Variants in MARVELD2 observed in about 807,000 individuals in gnomAD.
MARVELD2 encodes MARVEL domain-containing protein 2.
In MARVELD2, 49 loss-of-function variants were observed where a neutral mutation model predicts 57.6. That is an observed-to-expected ratio of 0.85 (90% CI 0.68 to 1.08). MARVELD2 has a LOEUF of 1.08. Ranked by LOEUF, MARVELD2 falls within the 50% of genes least tolerant of loss-of-function variation. MARVELD2 has a pLI of 0.00. For synonymous variants in MARVELD2, 238 were observed against 258.8 expected (o/e 0.92, Z 0.77); for missense variants, 606 against 701.1 (o/e 0.86, Z 1.53).
intron 1 of MARVELD2, among the ~76,000 whole-genome samples, chr5:69,418,696 C>G (rs371868779): frequency 3.9e-5 from 6 of 152,158 alleles, no homozygotes; most frequent in African/African-American, 1.4e-4. Context: ...TGTGTTTTAA[C>G]AGACTGCCTC....
rs1767391737 is a variant in MARVELD2 at position 69,443,822 on chromosome 5, G to C, written c.*2168G>C. 1.3e-5 allele frequency: 2 copies of C among 151,976 alleles called. No individual in the cohort carries two copies. The highest frequency in any genetic ancestry group is 4.8e-5 in the African/African-American group (2 of 41,394). 9.4% of individuals were successfully genotyped at this position (151,976 alleles called of 1,614,324 possible). On this transcript the variant is annotated 3_prime_UTR_variant, in exon 7 of 7. Transcript: ENST00000325631. ...CACTCCCTGGTTTTTATTTGTCAGT[G>C]AAATCTTTATGCATTCATTGTTAAT...
intron 5 of MARVELD2, among the ~76,000 whole-genome samples, chr5:69,440,058 G>T (rs1168212616): frequency 6.6e-6 from 1 of 152,110 alleles, no homozygotes; most frequent in East Asian, 1.9e-4. Context: ...TAGCTAATGT[G>T]GTTATTATGT....
chr5:69,437,795 T>G (rs1767202964), intron 5 of MARVELD2, among the ~76,000 whole-genome samples: 1 of 152,080 alleles, frequency 6.6e-6, no homozygotes, highest in Non-Finnish European at 1.5e-5. Flanking sequence ...CAGCACATGG[T>G]CTGCAGTTGG....
At chr5:69,440,017 A>G (rs1454075707) in intron 5 of MARVELD2, among the ~76,000 whole-genome samples, 1 of 152,226 alleles carries the variant, frequency 6.6e-6, no homozygotes, top group African/African-American at 2.4e-5. Context: ...TAACTCAAAA[A>G]AGAACTTTCC....
intron 3 of MARVELD2, among the ~76,000 whole-genome samples, chr5:69,426,011 G>T (rs1766780968): frequency 6.6e-6 from 1 of 151,564 alleles, no homozygotes; most frequent in Non-Finnish European, 1.5e-5. Flanking sequence ...CAAAGTGCTG[G>T]GATTATGGGT....
intron 5 of MARVELD2, among the ~76,000 whole-genome samples, chr5:69,439,130 G>A (rs1222625341): frequency 6.7e-6 from 1 of 150,152 alleles, no homozygotes; most frequent in Non-Finnish European, 1.5e-5. Flanking sequence ...GATAGAAAAA[G>A]TTCTCAGGCC....
chr5:69,420,315 C>G lies in MARVELD2; in HGVS notation c.930C>G (p.Val310=). The change falls in exon 2 of 7, where the codon GTC becomes GTG. Residue 310 remains valine (V), a synonymous_variant. Coordinates refer to ENST00000325631, the MANE Select transcript of MARVELD2 (RefSeq NM_001038603.3). ...TTTTGTATATGGCCGCAGCCATAGT[C>G]TATGTGAATGATACCAACCGAGGTG... ...LFILYMAAAI[V]YVNDTNRGGL... 1 of 1,614,174 alleles carries G rather than the reference C, an allele frequency of 6.2e-7. No homozygotes were observed. Among genetic ancestry groups the G allele is most frequent in the South Asian group, 1.1e-5 (1 of 91,076 alleles).
chr5:69,419,341 C>A, intron 1 of MARVELD2, 30 bp from the exon 2 acceptor site: 1 of 1,608,548 alleles, frequency 6.2e-7, no homozygotes, highest in Non-Finnish European at 8.5e-7. Context: ...AGTAACTAAT[C>A]ATAAGTGATA....
intron 3 of MARVELD2, among the ~76,000 whole-genome samples, chr5:69,424,856 C>G (rs1435064339): frequency 6.6e-6 from 1 of 151,984 alleles, no homozygotes; most frequent in Non-Finnish European, 1.5e-5. Flanking sequence ...GAAACCCTGT[C>G]TCTACCAAAA....
chr5:69,419,815 T>G lies in MARVELD2; in HGVS notation c.430T>G (p.Phe144Val), dbSNP rs370885460. Residue 144 changes from phenylalanine to valine, a missense_variant, in exon 2 of 7, where the codon TTT becomes GTT. Phe to Val is a conservative substitution (Grantham distance 50, BLOSUM62 -1). Coordinates refer to ENST00000325631, the MANE Select transcript of MARVELD2 (RefSeq NM_001038603.3). ...TCCCTACGGAGGGTCAGAAGGAACC[T>G]TTAGTTCCCGGAAAGAGGCTGACGC... ...KDPYGGSEGT[F>V]SSRKEADAVF... is the part of the protein sequence containing the mutation. 45 of 1,614,066 alleles carry G rather than the reference T, an allele frequency of 2.8e-5. No individual in the cohort carries two copies. The highest frequency in any genetic ancestry group is 3.5e-5 in the Non-Finnish European group (41 of 1,180,046).
chr5:69,443,519 G>T lies in MARVELD2; in HGVS notation c.*1865G>T, dbSNP rs561312366. On this transcript the variant is annotated 3_prime_UTR_variant, in exon 7 of 7. Transcript: ENST00000325631. The stretch of plus-strand genomic sequence containing the variant: ...CAGCAGGGATGCTTCATCTTTCTAA[G>T]AATTATCTTGGCTTTGGACTTTATT... 1 of 152,206 alleles carries T rather than the reference G, an allele frequency of 6.6e-6. No individual in the cohort carries two copies. The highest frequency in any genetic ancestry group is 2.4e-5 in the African/African-American group (1 of 41,554). 9.4% of individuals were successfully genotyped at this position (152,206 alleles called of 1,614,324 possible). A position where few individuals can be genotyped will look rare whatever the true frequency, so the allele number is the denominator to read the frequency against.
At position 69,419,406 on chromosome 5, in the gene MARVELD2, C is replaced by G. The variant is rs762606820; in HGVS notation, c.21C>G (p.Ser7=). Residue 7 remains serine (S), a synonymous_variant, in exon 2 of 7, where the codon TCC becomes TCG. Coordinates refer to ENST00000325631, the MANE Select transcript of MARVELD2 (RefSeq NM_001038603.3). The part of the protein sequence containing the change: MSNDGR[S]RNRDRRYDEV... ...CACAAATGTCAAATGATGGAAGATC[C>G]AGGAATCGGGACAGGCGCTACGATG... 9 of 1,614,056 alleles carry G rather than the reference C, an allele frequency of 5.6e-6. No homozygotes were observed. The Admixed American group carries it at 1.5e-4, about 27-fold the overall frequency.
intron 5 of MARVELD2, among the ~76,000 whole-genome samples, chr5:69,438,985 G>A (rs918990295): frequency 6.7e-6 from 1 of 149,846 alleles, no homozygotes; most frequent in African/African-American, 2.5e-5. Context: ...AGGATCACTT[G>A]AGCCCAAGAA....
At position 69,432,664 on chromosome 5, in the gene MARVELD2, C is replaced by T. The variant is rs376627126; in HGVS notation, c.1320C>T (p.Pro440=). 6.8e-6 allele frequency: 11 copies of T among 1,613,914 alleles called. No homozygotes were observed. The highest frequency in any genetic ancestry group is 2.2e-5 in the East Asian group (1 of 44,892). ...PGHIPKPIVM[P]DYVAKYPVIQ... ...ACATTCCTAAACCTATCGTGATGCCCGACTATGTGGCGTGAGTGTCAGTCT... is the reference window on the plus strand; with the variant it reads ...ACATTCCTAAACCTATCGTGATGCCTGACTATGTGGCGTGAGTGTCAGTCT... The change falls in exon 4 of 7, where the codon CCC becomes CCT. Residue 440 remains proline (P), a synonymous_variant. Transcript: ENST00000325631.
At chr5:69,437,943 C>T (rs1484786123) in intron 5 of MARVELD2, among the ~76,000 whole-genome samples, 2 of 152,124 alleles carry the variant, frequency 1.3e-5, no homozygotes, top group East Asian at 1.9e-4. Flanking sequence ...GGCAGGCCCA[C>T]GGTTATTATT....
chr5:69,419,831 A>T lies in MARVELD2; in HGVS notation c.446A>T (p.Glu149Val). 6.2e-7 allele frequency: 1 copy of T among 1,614,178 alleles called. No homozygotes were observed. Among genetic ancestry groups the T allele is most frequent in the Non-Finnish European group, 8.5e-7 (1 of 1,180,010 alleles). The change falls in exon 2 of 7, where the codon GAG (glutamate) becomes GTG (valine). Residue 149 changes from glutamate (E) to valine (V), a missense_variant. By Grantham distance (121) the Glu-to-Val change is moderately radical. Coordinates refer to ENST00000325631, the MANE Select transcript of MARVELD2 (RefSeq NM_001038603.3). Reference sequence around the variant, plus strand: ...GAAGGAACCTTTAGTTCCCGGAAAGAGGCTGACGCAGTGTTTCCCCGGGAT... The same window carrying T: ...GAAGGAACCTTTAGTTCCCGGAAAGTGGCTGACGCAGTGTTTCCCCGGGAT... ...GSEGTFSSRKEADAVFPRDPY... is the reference protein window; with the variant it reads ...GSEGTFSSRKVADAVFPRDPY...
Position 69,420,019 on chromosome 5 carries a change from A to G in MARVELD2, c.634A>G (p.Thr212Ala). Residue 212 changes from threonine (T) to alanine (A), a missense_variant, in exon 2 of 7, where the codon ACA becomes GCA. Coordinates refer to ENST00000325631, the MANE Select transcript of MARVELD2 (RefSeq NM_001038603.3). Reference protein sequence around the residue: ...LLGAGVFACVTAYIHKDSEWY... With the variant: ...LLGAGVFACVAAYIHKDSEWY... ...GGGGGCCGGTGTCTTTGCTTGTGTC[A>G]CAGCTTACATTCACAAGGACAGTGA... is the stretch of plus-strand genomic sequence containing the variant. 6.8e-6 allele frequency: 11 copies of G among 1,614,148 alleles called. No individual in the cohort carries two copies. The highest frequency in any genetic ancestry group is 9.3e-6 in the Non-Finnish European group (11 of 1,180,036).
intron 5 of MARVELD2, among the ~76,000 whole-genome samples, chr5:69,438,371 A>G (rs1484446115): frequency 6.6e-6 from 1 of 152,218 alleles, no homozygotes; most frequent in African/African-American, 2.4e-5. Flanking sequence ...ACAGATTACA[A>G]TTAAATCACC....
In MARVELD2 at chr5:69,441,617, A is replaced by G; in HGVS notation, c.1640A>G (p.Asp547Gly). 2 of 1,590,900 alleles carry G rather than the reference A, an allele frequency of 1.3e-6. No individual in the cohort carries two copies. Among genetic ancestry groups the G allele is most frequent in the South Asian group, 1.1e-5 (1 of 90,314 alleles). ...SHIKQRIQEY[D>G]KVMNWDVQGY... is the part of the protein sequence containing the mutation. ...ATAAAGCAAAGAATTCAAGAATATG[A>G]TAAAGTAATGAATTGGGATGTACAA... Residue 547 changes from aspartate (D) to glycine (G), a missense_variant, in exon 7 of 7, where the codon GAT becomes GGT. Transcript: ENST00000325631.
Sources: gnomAD v4.1 joint callset for allele counts (sites outside exome capture counted in the v4.1 genomes callset) on GRCh38, gnomAD v4.1.1 for gene constraint, MANE v1.5 for transcripts, NCBI Gene and HGNC (gene_info 2026-07-23, HGNC 2026-07-21) for gene names.